The following CNTN5 variants were observed in gnomAD, a reference collection of about 807,000 sequenced individuals.
CNTN5 encodes the protein contactin 5.
Under a neutral mutation model 129.1 loss-of-function variants are expected in CNTN5, and 77 were observed. The observed-to-expected ratio is 0.60, with a 90% CI of 0.50 to 0.72. The LOEUF (loss-of-function observed/expected upper bound fraction) is 0.72, where lower values mean the gene tolerates loss of function less well. CNTN5 is among the 30% of genes least tolerant of loss of function. CNTN5 has a pLI of 0.00. For missense variants in CNTN5, 1,478 were observed against 1,328.8 expected (o/e 1.11, Z -1.75); for synonymous variants, 509 against 465.6 (o/e 1.09, Z -1.20).
intron 1 of CNTN5, among the ~76,000 whole-genome samples, chr11:99,021,631 A>G (rs1226116808): frequency 6.6e-6 from 1 of 152,196 alleles, no homozygotes; most frequent in African/African-American, 2.4e-5. Context: ...ATGTTTGGAA[A>G]ATAGGATGCC....
At chr11:100,056,108 T>G (rs755357519) in intron 9 of CNTN5, among the ~76,000 whole-genome samples, 16 of 151,730 alleles carry the variant, frequency 1.1e-4, no homozygotes, top group Non-Finnish European at 1.9e-4. Context: ...ATTATATTTT[T>G]GTCTTTAAAT....
chr11:100,192,436 A>C (rs1948520925), intron 14 of CNTN5, among the ~76,000 whole-genome samples: 1 of 151,880 alleles, frequency 6.6e-6, no homozygotes, highest in African/African-American at 2.4e-5. Flanking sequence ...CCAGGATTCC[A>C]TTTTTTTCTC....
chr11:99,965,414 T>C (rs990407418), intron 8 of CNTN5, among the ~76,000 whole-genome samples: 1 of 152,202 alleles, frequency 6.6e-6, no homozygotes, highest in Non-Finnish European at 1.5e-5. Context: ...CATTTCGTTA[T>C]GTACCCAGTA....
chr11:99,885,885 G>T (rs1303255876), intron 6 of CNTN5, among the ~76,000 whole-genome samples: 1 of 152,026 alleles, frequency 6.6e-6, no homozygotes, highest in Non-Finnish European at 1.5e-5. Flanking sequence ...TTCCAAAACT[G>T]ATTCAAGAGG....
chr11:100,094,760 GGAGGA>G (rs1224879859), intron 13 of CNTN5, among the ~76,000 whole-genome samples: 1 of 140,314 alleles, frequency 7.1e-6, no homozygotes, highest in East Asian at 2.1e-4. Flanking sequence ...AGGGAGGGAG[GGAGGA>G]AAGGAAGGAA....
At chr11:99,897,231 A>AG (rs1565651951) in intron 6 of CNTN5, among the ~76,000 whole-genome samples, 3 of 152,210 alleles carry the variant, frequency 2.0e-5, no homozygotes, top group Non-Finnish European at 2.9e-5. Context: ...CCTGGAAAAC[A>AG]TTTGAGAGGA....
intron 6 of CNTN5, among the ~76,000 whole-genome samples, chr11:99,905,656 A>C (rs10894139): frequency 6.6e-6 from 1 of 152,164 alleles, no homozygotes; most frequent in Non-Finnish European, 1.5e-5. Context: ...ATTTAAAGTA[A>C]TTTTTTCTAA....
At chr11:100,068,403 A>G (rs984270846) in intron 10 of CNTN5, among the ~76,000 whole-genome samples, 2 of 152,156 alleles carry the variant, frequency 1.3e-5, no homozygotes, top group Non-Finnish European at 2.9e-5. Flanking sequence ...CTGAATCGTG[A>G]GTAGAATTAA....
intron 1 of CNTN5, among the ~76,000 whole-genome samples, chr11:99,094,571 G>A (rs1168451755): frequency 6.6e-6 from 1 of 151,950 alleles, no homozygotes; most frequent in Non-Finnish European, 1.5e-5. Flanking sequence ...ATAAGACAGC[G>A]CTAACATGTG....
At chr11:99,971,113 C>G (rs1398104879) in intron 8 of CNTN5, among the ~76,000 whole-genome samples, 1 of 152,206 alleles carries the variant, frequency 6.6e-6, no homozygotes, top group South Asian at 2.1e-4. Flanking sequence ...TCATCTGCCA[C>G]TTTCATAATA....
chr11:99,539,505 A>G (rs1948019924), intron 2 of CNTN5, among the ~76,000 whole-genome samples: 2 of 152,048 alleles, frequency 1.3e-5, no homozygotes, highest in Admixed American at 6.6e-5. Flanking sequence ...TAAGATAAAA[A>G]TATTTATGGA....
intron 2 of CNTN5, among the ~76,000 whole-genome samples, chr11:99,375,409 T>G (rs560680022): frequency 6.6e-5 from 10 of 150,904 alleles, no homozygotes; most frequent in Non-Finnish European, 1.3e-4. Context: ...TGATGTGAAA[T>G]TATCAGGGAT....
chr11:99,732,454 T>C (rs1943567703), intron 3 of CNTN5, among the ~76,000 whole-genome samples: 1 of 147,656 alleles, frequency 6.8e-6, no homozygotes, highest in Non-Finnish European at 1.5e-5. Context: ...GTATAATAAC[T>C]GAGTACATTG....
intron 16 of CNTN5, among the ~76,000 whole-genome samples, chr11:100,254,779 G>A (rs932057463): frequency 1.3e-5 from 2 of 151,212 alleles, no homozygotes; most frequent in South Asian, 2.1e-4. Flanking sequence ...AATCCAGAGA[G>A]CATTTGTACA....
At chr11:99,196,249 A>G (rs1036173500) in intron 1 of CNTN5, among the ~76,000 whole-genome samples, 1 of 151,892 alleles carries the variant, frequency 6.6e-6, no homozygotes, top group African/African-American at 2.4e-5. Flanking sequence ...TATGAACCTT[A>G]TATTTGCCAC....
chr11:99,888,601 G>T (rs1174150268), intron 6 of CNTN5, among the ~76,000 whole-genome samples: 3 of 152,146 alleles, frequency 2.0e-5, no homozygotes, highest in Non-Finnish European at 4.4e-5. Context: ...TTATTTCTAA[G>T]ATCAGAAAGC....
At chr11:100,205,716 C>T (rs1948899206) in intron 15 of CNTN5, among the ~76,000 whole-genome samples, 1 of 146,714 alleles carries the variant, frequency 6.8e-6, no homozygotes, top group Non-Finnish European at 1.5e-5. Flanking sequence ...CAACTATTTA[C>T]CTAGCATTTA....
chr11:99,784,301 C>T (rs747498810), intron 3 of CNTN5, among the ~76,000 whole-genome samples: 23 of 152,064 alleles, frequency 1.5e-4, no homozygotes, highest in Non-Finnish European at 2.8e-4. Flanking sequence ...CCTCCCTTAG[C>T]CCCCCACCCC....
intron 1 of CNTN5, among the ~76,000 whole-genome samples, chr11:99,159,556 A>G (rs948391980): frequency 1.3e-5 from 2 of 152,192 alleles, no homozygotes; most frequent in South Asian, 4.1e-4. Flanking sequence ...CGGGAGGTGG[A>G]GGTTGCAGTG....
Sources: allele counts gnomAD v4.1 joint callset (sites outside exome capture counted in the v4.1 genomes callset), GRCh38; gene constraint gnomAD v4.1.1; transcripts MANE v1.5; gene names NCBI Gene and HGNC (gene_info 2026-07-23, HGNC 2026-07-21).